The following TNIK variants were observed in gnomAD, a reference collection of about 807,000 sequenced individuals.
TNIK encodes TRAF2 and NCK interacting kinase, also known as TRAF2 and NCK-interacting protein kinase.
In TNIK, 49 loss-of-function variants were observed where a neutral mutation model predicts 191.3. The observed-to-expected ratio is 0.26, with a 90% CI of 0.20 to 0.32. The LOEUF (loss-of-function observed/expected upper bound fraction) is 0.32. Ranked by LOEUF, TNIK falls within the 10% of genes least tolerant of loss-of-function variation. The pLI, the probability that TNIK is intolerant of heterozygous loss-of-function variation, is 1.00. For synonymous variants in TNIK, 594 were observed against 600.9 expected (o/e 0.99, Z 0.17); for missense variants, 1,155 against 1,702.3 (o/e 0.68, Z 5.66).
chr3:171,442,259 T>C (rs1726916342), intron 1 of TNIK, among the ~76,000 whole-genome samples: 2 of 152,334 alleles, frequency 1.3e-5, no homozygotes, highest in South Asian at 4.1e-4. Flanking sequence ...ACTTGCATTG[T>C]ATCAAGTGAT....
At chr3:171,390,493 A>C (rs1719348433) in intron 1 of TNIK, among the ~76,000 whole-genome samples, 1 of 152,170 alleles carries the variant, frequency 6.6e-6, no homozygotes. Flanking sequence ...GCAGTTGTTT[A>C]CAAATTGCAA....
chr3:171,282,805 T>C (rs80088379), intron 2 of TNIK, among the ~76,000 whole-genome samples: 2,888 of 152,202 alleles, frequency 0.019, 96 homozygotes, highest in African/African-American at 0.067. Flanking sequence ...AGATTCAAAG[T>C]AAAAACTTAG....
chr3:171,405,539 C>A (rs1411067932), intron 1 of TNIK, among the ~76,000 whole-genome samples: 1 of 145,286 alleles, frequency 6.9e-6, no homozygotes, highest in Non-Finnish European at 1.5e-5. Flanking sequence ...AAAAATCATA[C>A]AGAGGCAACA....
intron 2 of TNIK, among the ~76,000 whole-genome samples, chr3:171,361,069 C>T (rs994470445): frequency 5.9e-5 from 9 of 152,148 alleles, no homozygotes; most frequent in African/African-American, 2.2e-4. Context: ...AAGGGGTAGA[C>T]TCATCTCCAA....
intron 1 of TNIK, among the ~76,000 whole-genome samples, chr3:171,411,069 T>TC (rs1295917202): frequency 7.8e-6 from 1 of 128,834 alleles, no homozygotes; most frequent in Non-Finnish European, 1.8e-5. Flanking sequence ...CAATAATCTT[T>TC]TTTTTTTTTT....
At chr3:171,079,793 CT>C in intron 27 of TNIK, 141 bp from the exon 28 acceptor site, 1 of 1,044,916 alleles carries the variant, frequency 9.6e-7, no homozygotes, top group South Asian at 2.0e-5. Context: ...GTCCCCAGCA[CT>C]TTGTCATTAA....
intron 2 of TNIK, among the ~76,000 whole-genome samples, chr3:171,256,016 TA>T (rs1746816555): frequency 6.6e-6 from 1 of 151,872 alleles, no homozygotes; most frequent in Non-Finnish European, 1.5e-5. Context: ...AATTATAGAA[TA>T]AAGTATTCTG....
At chr3:171,290,027 G>GA (rs1401098993) in intron 2 of TNIK, among the ~76,000 whole-genome samples, 2 of 152,126 alleles carry the variant, frequency 1.3e-5, no homozygotes, top group African/African-American at 4.8e-5. Context: ...CTGCACAGTG[G>GA]AAAAAACGAA....
intron 11 of TNIK, among the ~76,000 whole-genome samples, chr3:171,158,060 A>C (rs2108718490): frequency 6.6e-6 from 1 of 152,346 alleles, no homozygotes; most frequent in South Asian, 2.1e-4. Flanking sequence ...AATGGTGGGC[A>C]ACAAGGGTAC....
intron 28 of TNIK, among the ~76,000 whole-genome samples, chr3:171,071,576 T>A (rs184647591): frequency 2.9e-4 from 44 of 152,256 alleles, no homozygotes; most frequent in Admixed American, 7.2e-4. Flanking sequence ...GAGATATAAC[T>A]GCTTAGGACT....
At chr3:171,427,597 A>G (rs953622776) in intron 1 of TNIK, among the ~76,000 whole-genome samples, 3 of 152,328 alleles carry the variant, frequency 2.0e-5, no homozygotes, top group African/African-American at 7.2e-5. Flanking sequence ...AAGTGCTATT[A>G]TTATTACCCT....
In TNIK at chr3:171,133,788, G is replaced by T. The variant is rs1258150757; in HGVS notation, c.1608+4403C>A. Among the ~76,000 whole-genome samples, 3 of 152,166 alleles carry T rather than the reference G, an allele frequency of 2.0e-5. No homozygotes were observed. The East Asian group carries it at 5.8e-4, about 29-fold the overall frequency. On this transcript the variant is annotated intron_variant, in intron 15 of 32. Coordinates refer to ENST00000436636, the MANE Select transcript of TNIK (RefSeq NM_015028.4). ...GAAAAAGAAATCACTTAGGTATAGA[G>T]CAGAGAAATCCGGATGGAGAAGGAG... is the stretch of plus-strand genomic sequence containing the variant.
At chr3:171,240,445 G>A (rs1744818406) in intron 2 of TNIK, among the ~76,000 whole-genome samples, 1 of 152,122 alleles carries the variant, frequency 6.6e-6, no homozygotes, top group African/African-American at 2.4e-5. Flanking sequence ...GTTGCAGTAA[G>A]GATTAAATTA....
At chr3:171,265,802 C>T (rs959901570) in intron 2 of TNIK, among the ~76,000 whole-genome samples, 2 of 152,096 alleles carry the variant, frequency 1.3e-5, no homozygotes, top group African/African-American at 2.4e-5. Context: ...TGGTTGAGTC[C>T]TAAGGAGGGT....
chr3:171,121,686 A>G (rs1254705748), intron 18 of TNIK, among the ~76,000 whole-genome samples: 1 of 152,266 alleles, frequency 6.6e-6, no homozygotes, highest in Non-Finnish European at 1.5e-5. Flanking sequence ...TATGGTGATT[A>G]TATTGTGCAG....
At chr3:171,120,013 C>A (rs974186562) in intron 18 of TNIK, among the ~76,000 whole-genome samples, 1 of 152,082 alleles carries the variant, frequency 6.6e-6, no homozygotes, top group Non-Finnish European at 1.5e-5. Flanking sequence ...GGAAGAGTGA[C>A]ATAATAGGGA....
At chr3:171,203,987 G>A (rs552909193) in intron 4 of TNIK, among the ~76,000 whole-genome samples, 24 of 152,174 alleles carry the variant, frequency 1.6e-4, no homozygotes, top group African/African-American at 5.8e-4. Context: ...GTATTATGGT[G>A]GTATCAAAAA....
intron 5 of TNIK, among the ~76,000 whole-genome samples, chr3:171,193,450 C>A (rs1192812969): frequency 6.6e-6 from 1 of 152,162 alleles, no homozygotes; most frequent in East Asian, 1.9e-4. Context: ...ATAATGTACA[C>A]CTCCATTTAT....
intron 2 of TNIK, among the ~76,000 whole-genome samples, chr3:171,341,416 G>A (rs1356266567): frequency 7.4e-6 from 1 of 135,524 alleles, no homozygotes; most frequent in Non-Finnish European, 1.5e-5. Flanking sequence ...AGGTTGTAGT[G>A]AGCCAAGATT....
Sources: allele counts gnomAD v4.1 joint callset (sites outside exome capture counted in the v4.1 genomes callset), GRCh38; gene constraint gnomAD v4.1.1; transcripts MANE v1.5; gene names NCBI Gene and HGNC (gene_info 2026-07-23, HGNC 2026-07-21).